SSH3: variants seen among roughly 807,000 people sequenced by gnomAD.
SSH3 encodes protein phosphatase Slingshot homolog 3.
Under a neutral mutation model 75.0 loss-of-function variants are expected in SSH3, and 67 were observed. The ratio of observed to expected loss-of-function variants is 0.89; its 90% confidence interval spans 0.73 to 1.10. The LOEUF (loss-of-function observed/expected upper bound fraction) is 1.10, where lower values mean the gene tolerates loss of function less well. SSH3 is among the 50% of genes least tolerant of loss of function. The pLI is 0.00. For synonymous variants in SSH3, 318 were observed against 349.2 expected (o/e 0.91, Z 1.00); for missense variants, 824 against 872.7 (o/e 0.94, Z 0.70).
At chr11:67,311,182 T>TCACCCAGCACCGGACGCACGCATC (rs1861399591) in intron 13 of SSH3, among the ~76,000 whole-genome samples, 1 of 152,154 alleles carries the variant, frequency 6.6e-6, no homozygotes, top group African/African-American at 2.4e-5. Flanking sequence ...CAAGAGGTCC[T>TCACCCAGCACCGGACGCACGCATC]CACCCAGCAC....
At chr11:67,310,966 A>G (rs980585573) in intron 13 of SSH3, among the ~76,000 whole-genome samples, 22 of 152,220 alleles carry the variant, frequency 1.4e-4, no homozygotes, top group African/African-American at 4.3e-4. Context: ...TGCCTAAGTC[A>G]GCACCCTTGA....
chr11:67,308,011 C>A lies in SSH3; in HGVS notation c.885+72C>A. The A allele has an allele frequency of 6.2e-7, 1 of 1,603,476 alleles. No individual in the cohort carries two copies. Among genetic ancestry groups the A allele is most frequent in the East Asian group, 2.2e-5 (1 of 44,562 alleles). On this transcript the variant is annotated intron_variant, in intron 8 of 13. Coordinates refer to ENST00000308127, the MANE Select transcript of SSH3 (RefSeq NM_017857.4). The surrounding 1 kb of genome is among the most constrained non-coding windows in gnomAD (Gnocchi z 4.9). ...AGCTTGCCTTTCCTGGGAGCCCTCC[C>A]CACCTTGCCTGTCTCCAGTCCTGAG...
Position 67,311,616 on chromosome 11 carries a change from A to G in SSH3, c.1709A>G (p.His570Arg), listed in dbSNP as rs774779559. The change falls in exon 14 of 14, where the codon CAT becomes CGT. Residue 570 changes from histidine to arginine, a missense_variant. Physicochemically the swap from His to Arg is conservative, Grantham distance 29. Coordinates refer to ENST00000308127, the MANE Select transcript of SSH3 (RefSeq NM_017857.4). ...PEVFSSHESS[H>R]EEPLQPFPQL... ...GTCTTCTCTTCCCACGAGTCTTCAC[A>G]TGAAGAGCCTCTGCAGCCCTTCCCA... is the stretch of plus-strand genomic sequence containing the variant. 9.3e-6 allele frequency: 15 copies of G among 1,613,936 alleles called. No individual in the cohort carries two copies. Among genetic ancestry groups the G allele is most frequent in the African/African-American group, 4.0e-5 (3 of 74,912 alleles).
Position 67,309,459 on chromosome 11 carries a change from A to G in SSH3, c.1124A>G (p.Tyr375Cys), listed in dbSNP as rs1861347337. 3 of 1,613,926 alleles carry G rather than the reference A, an allele frequency of 1.9e-6. No individual in the cohort carries two copies. Among genetic ancestry groups the G allele is most frequent in the East Asian group, 2.2e-5 (1 of 44,878 alleles). Reference sequence around the variant, plus strand: ...AACTTCTACCCTGAGCGCTTCACCTACCACAATGTGCGCCTCTGGGATGAG... The same window carrying G: ...AACTTCTACCCTGAGCGCTTCACCTGCCACAATGTGCGCCTCTGGGATGAG... Reference protein sequence around the residue: ...IDNFYPERFTYHNVRLWDEES... With the variant: ...IDNFYPERFTCHNVRLWDEES... The change falls in exon 11 of 14, where the codon TAC becomes TGC. Residue 375 changes from tyrosine to cysteine, a missense_variant. By Grantham distance (194) the Tyr-to-Cys change is radical. Transcript: ENST00000308127.
In SSH3 at chr11:67,307,173, T is replaced by C. The variant is rs1374547638; in HGVS notation, c.536+60T>C. Reference sequence around the variant, plus strand: ...GTGGAATAACTGAGTGTGACGGATGTGACGGGGCCTGGGCACCAGGGTACA... The same window carrying C: ...GTGGAATAACTGAGTGTGACGGATGCGACGGGGCCTGGGCACCAGGGTACA... On this transcript the variant is annotated intron_variant, in intron 5 of 13. Coordinates refer to ENST00000308127, the MANE Select transcript of SSH3 (RefSeq NM_017857.4). This position sits in a 1 kb window ranked among gnomAD's most constrained non-coding sequence, Gnocchi z 4.2. The C allele has an allele frequency of 8.1e-6, 13 of 1,598,532 alleles. No individual in the cohort carries two copies. In the East Asian group the frequency reaches 2.9e-4, roughly 36 times the overall value.
chr11:67,307,925 G>A lies in SSH3; in HGVS notation c.871G>A (p.Val291Ile). ...GTTGGATGTCAGTGACCTGGAGAGT[G>A]TCACTTCCAAAGAGGTGGGCAGGGG... ...KVLDVSDLES[V>I]TSKEIRQALE... is the part of the protein sequence containing the mutation. Residue 291 changes from valine to isoleucine, a missense_variant, in exon 8 of 14, where the codon GTC (valine) becomes ATC (isoleucine). Transcript: ENST00000308127. This position sits in a 1 kb window ranked among gnomAD's most constrained non-coding sequence, Gnocchi z 4.2. 6.2e-7 allele frequency: 1 copy of A among 1,614,228 alleles called. No individual in the cohort carries two copies. Among genetic ancestry groups the A allele is most frequent in the Non-Finnish European group, 8.5e-7 (1 of 1,180,022 alleles).
intron 3 of SSH3, among the ~76,000 whole-genome samples, chr11:67,306,527 G>A (rs988556805): frequency 5.3e-5 from 8 of 152,122 alleles, no homozygotes; most frequent in African/African-American, 1.7e-4. Flanking sequence ...TGTGAGCCTC[G>A]GAGTTCGGGG....
intron 2 of SSH3, 113 bp downstream of exon 2, chr11:67,304,268 C>A: frequency 1.2e-6 from 1 of 850,000 alleles, no homozygotes. Flanking sequence ...GCAGCGAAGC[C>A]CACTGCCAAA....
Position 67,311,986 on chromosome 11 carries a change from C to A in SSH3, c.*99C>A. ...GTTGCCGCACACATTCCTCTCAGCTCCGCCCCATACCCGTCACTACAGCCT... is the reference window on the plus strand; with the variant it reads ...GTTGCCGCACACATTCCTCTCAGCTACGCCCCATACCCGTCACTACAGCCT... On this transcript the variant is annotated 3_prime_UTR_variant, in exon 14 of 14. Transcript: ENST00000308127. 1 of 1,489,894 alleles carries A rather than the reference C, an allele frequency of 6.7e-7. No homozygotes were observed. The highest frequency in any genetic ancestry group is 9.0e-7 in the Non-Finnish European group (1 of 1,113,180). The allele number at this position is 1,489,894 out of a possible 1,614,324, so 92.3% of individuals were successfully genotyped here.
intron 13 of SSH3, 83 bp downstream of exon 13, chr11:67,310,422 G>C: frequency 6.6e-7 from 1 of 1,505,322 alleles, no homozygotes; most frequent in Non-Finnish European, 8.9e-7. Flanking sequence ...ATGGGCGTTT[G>C]ACTGTAGACC....
intron 2 of SSH3, 42 bp downstream of exon 2, chr11:67,304,197 G>A (rs750897249): frequency 6.6e-7 from 1 of 1,504,592 alleles, no homozygotes; most frequent in Non-Finnish European, 9.1e-7. Flanking sequence ...CGTCTGCCCC[G>A]GGCCTGGCCA....
At chr11:67,310,017 G>A (rs1252088895) in intron 12 of SSH3, 49 bp downstream of exon 12, 3 of 1,609,644 alleles carry the variant, frequency 1.9e-6, no homozygotes. Context: ...GGTTTGCTGG[G>A]GGTGGCTGCT....
Position 67,307,896 on chromosome 11 carries a change from A to G in SSH3, c.842A>G (p.Lys281Arg). ...CAGGCGATCCGTGCTGAGCTGTGGA[A>G]AGTGTTGGATGTCAGTGACCTGGAG... Reference protein sequence around the residue: ...MEQAIRAELWKVLDVSDLESV... With the variant: ...MEQAIRAELWRVLDVSDLESV... Residue 281 changes from lysine (K) to arginine (R), a missense_variant, in exon 8 of 14, where the codon AAA becomes AGA. Transcript: ENST00000308127. The surrounding 1 kb of genome is among the most constrained non-coding windows in gnomAD (Gnocchi z 4.2). 1 of 1,614,156 alleles carries G rather than the reference A, an allele frequency of 6.2e-7. No individual in the cohort carries two copies. The highest frequency in any genetic ancestry group is 8.5e-7 in the Non-Finnish European group (1 of 1,180,006).
chr11:67,308,063 C>T lies in SSH3; in HGVS notation c.886-111C>T, dbSNP rs1861298737. 65 of 1,590,352 alleles carry T rather than the reference C, an allele frequency of 4.1e-5. No homozygotes were observed. Among genetic ancestry groups the T allele is most frequent in the Non-Finnish European group, 5.2e-5 (61 of 1,168,598 alleles). ...CATTCCTGGATGCCTTGGCCTTGGC[C>T]CTAATCCATCTAGATGGGATAGGGT... On this transcript the variant is annotated intron_variant, in intron 8 of 13. Transcript: ENST00000308127. The surrounding 1 kb of genome is among the most constrained non-coding windows in gnomAD (Gnocchi z 4.9).
Position 67,304,959 on chromosome 11 carries a change from C to T in SSH3, c.291C>T (p.His97=). 3 of 1,613,326 alleles carry T rather than the reference C, an allele frequency of 1.9e-6. No homozygotes were observed. The Admixed American group carries it at 5.0e-5, about 27-fold the overall frequency. ...AGAAGCAGGAGGAGCAGAGGCAGCA[C>T]CTGCACCTCATGGTACAGCTGCTGA... ...SPQKQEEQRQ[H]LHLMVQLLRP... is the part of the protein sequence containing the mutation. Residue 97 remains histidine, a synonymous_variant, in exon 3 of 14, where the codon CAC becomes CAT. Coordinates refer to ENST00000308127, the MANE Select transcript of SSH3 (RefSeq NM_017857.4).
At chr11:67,304,304 G>A (rs1318067900) in intron 2 of SSH3, 149 bp downstream of exon 2, 4 of 672,764 alleles carry the variant, frequency 5.9e-6, no homozygotes, top group Non-Finnish European at 9.9e-6. Context: ...TCCCGGTGGG[G>A]CCGGCTGGTG....
At position 67,305,023 on chromosome 11, in the gene SSH3, G is replaced by A; in HGVS notation, c.339+16G>A. The A allele has an allele frequency of 6.3e-7, 1 of 1,590,884 alleles. No individual in the cohort carries two copies. Among genetic ancestry groups the A allele is most frequent in the Non-Finnish European group, 8.5e-7 (1 of 1,170,484 alleles). On this transcript the variant is annotated intron_variant, in intron 3 of 13. Transcript: ENST00000308127. ...CATCCGCCTGGTGAGGGCCCATGTGGAGCTCCGGGGGGTGGGGGGAAGAGA... is the reference window on the plus strand; with the variant it reads ...CATCCGCCTGGTGAGGGCCCATGTGAAGCTCCGGGGGGTGGGGGGAAGAGA...
In SSH3 at chr11:67,303,660, G is replaced by C; in HGVS notation, c.35G>C (p.Gly12Ala). The C allele has an allele frequency of 6.6e-7, 1 of 1,512,702 alleles. No individual in the cohort carries two copies. The highest frequency in any genetic ancestry group is 1.2e-5 in the South Asian group (1 of 81,924). The allele number at this position is 1,512,702 out of a possible 1,614,324, so 93.7% of individuals were successfully genotyped here. A position where few individuals can be genotyped will look rare whatever the true frequency, so the allele number is the denominator to read the frequency against. ...GTCACAGTGAGCCGTTCGCCCCCGGGCAGCGGCGCCTCCACGCCCGTGGGG... is the reference window on the plus strand; with the variant it reads ...GTCACAGTGAGCCGTTCGCCCCCGGCCAGCGGCGCCTCCACGCCCGTGGGG... ...ALVTVSRSPP[G>A]SGASTPVGPW... Residue 12 changes from glycine (G) to alanine (A), a missense_variant, in exon 1 of 14, where the codon GGC becomes GCC. By Grantham distance (60) the Gly-to-Ala change is moderately conservative. Transcript: ENST00000308127.
In SSH3 at chr11:67,309,439, C is replaced by G; in HGVS notation, c.1104C>G (p.Phe368Leu). Residue 368 changes from phenylalanine to leucine, a missense_variant, in exon 11 of 14, where the codon TTC (phenylalanine) becomes TTG (leucine). Physicochemically the swap from Phe to Leu is conservative, Grantham distance 22 (BLOSUM62 0). Transcript: ENST00000308127. ...ILNMAREIDN[F>L]YPERFTYHNV... ...ACATGGCCCGGGAGATTGACAACTT[C>G]TACCCTGAGCGCTTCACCTACCACA... 6.2e-7 allele frequency: 1 copy of G among 1,614,188 alleles called. No individual in the cohort carries two copies. The highest frequency in any genetic ancestry group is 8.5e-7 in the Non-Finnish European group (1 of 1,180,040).
Sources: allele counts gnomAD v4.1 joint callset (sites outside exome capture counted in the v4.1 genomes callset), GRCh38; gene constraint gnomAD v4.1.1; non-coding constraint Gnocchi (gnomAD v3.1); transcripts MANE v1.5; gene names NCBI Gene and HGNC (gene_info 2026-07-23, HGNC 2026-07-21).